DOCK4: variants seen among roughly 807,000 people sequenced by gnomAD.
The protein encoded by DOCK4 is dedicator of cytokinesis protein 4.
In DOCK4, 97 loss-of-function variants were observed where a neutral mutation model predicts 268.1. The ratio of observed to expected loss-of-function variants is 0.36; its 90% confidence interval spans 0.31 to 0.43. DOCK4 has a LOEUF of 0.43. Among genes scored for constraint, DOCK4 ranks in the 20% least tolerant of loss-of-function variants. DOCK4 has a pLI of 1.00. For synonymous variants in DOCK4, 954 were observed against 887.2 expected, an observed-to-expected ratio of 1.08 and a Z score of -1.34; for missense variants, 2,145 against 2,455.7, an observed-to-expected ratio of 0.87 and a Z score of 2.67.
At chr7:111,881,152 G>A (rs1255348786) in intron 16 of DOCK4, among the ~76,000 whole-genome samples, 3 of 152,114 alleles carry the variant, frequency 2.0e-5, no homozygotes, top group African/African-American at 4.8e-5. Flanking sequence ...CATAATGGGA[G>A]AAAATACTTG....
intron 1 of DOCK4, among the ~76,000 whole-genome samples, chr7:112,149,704 T>C (rs900032533): frequency 6.6e-6 from 1 of 152,180 alleles, no homozygotes; most frequent in Admixed American, 6.5e-5. Flanking sequence ...TGATTTCTAG[T>C]GTCTCTTCTA....
chr7:112,133,713 C>T (rs1326444214), intron 1 of DOCK4, among the ~76,000 whole-genome samples: 3 of 151,854 alleles, frequency 2.0e-5, no homozygotes, highest in Non-Finnish European at 2.9e-5. Flanking sequence ...AAGTGAGACC[C>T]TGTCTCAAAA....
intron 1 of DOCK4, among the ~76,000 whole-genome samples, chr7:112,114,443 GC>G (rs1194483476): frequency 6.6e-6 from 1 of 152,110 alleles, no homozygotes; most frequent in African/African-American, 2.4e-5. Context: ...GAAGTGACAG[GC>G]TCTTGTTATT....
intron 30 of DOCK4, among the ~76,000 whole-genome samples, chr7:111,801,250 T>C (rs61278352): frequency 0.084 from 12,793 of 152,156 alleles, 1,806 homozygotes; most frequent in African/African-American, 0.29. Context: ...AAACCAATCC[T>C]CTGGGCCCAT....
intron 1 of DOCK4, among the ~76,000 whole-genome samples, chr7:112,042,405 A>T (rs932733229): frequency 6.6e-6 from 1 of 152,206 alleles, no homozygotes; most frequent in African/African-American, 2.4e-5. Flanking sequence ...TCTTGCAGAC[A>T]TTGAGGAAGG....
At chr7:111,905,176 G>T (rs996450113) in intron 13 of DOCK4, among the ~76,000 whole-genome samples, 1 of 152,174 alleles carries the variant, frequency 6.6e-6, no homozygotes, top group African/African-American at 2.4e-5. Context: ...ATACACTTGA[G>T]GTTGACTCTG....
chr7:111,813,275 A>C (rs115883682), intron 27 of DOCK4, among the ~76,000 whole-genome samples: 162 of 152,358 alleles, frequency 1.1e-3, no homozygotes, highest in African/African-American at 3.8e-3. Flanking sequence ...ATGAAAAAAC[A>C]AAAGAAAACA....
intron 31 of DOCK4, among the ~76,000 whole-genome samples, chr7:111,789,986 C>T (rs964691634): frequency 2.0e-5 from 3 of 152,196 alleles, no homozygotes; most frequent in Admixed American, 1.3e-4. Flanking sequence ...GGAATTTCCT[C>T]TGTAAGAATT....
intron 25 of DOCK4, among the ~76,000 whole-genome samples, chr7:111,843,051 T>C (rs759573198): frequency 3.3e-5 from 5 of 152,122 alleles, no homozygotes; most frequent in Non-Finnish European, 7.4e-5. Context: ...TCAAATTGAA[T>C]GAAAAAGACA....
chr7:111,997,949 G>A (rs1800100989), intron 4 of DOCK4, among the ~76,000 whole-genome samples: 1 of 152,072 alleles, frequency 6.6e-6, no homozygotes, highest in Non-Finnish European at 1.5e-5. Context: ...TGATCAATGA[G>A]CTCAATCAAA....
chr7:111,877,113 C>T lies in DOCK4; in HGVS notation c.1661G>A (p.Gly554Glu). Residue 554 changes from glycine (G) to glutamate (E), a missense_variant, in exon 17 of 53, where the codon GGG (glycine) becomes GAG (glutamate). Transcript: ENST00000428084. ...KLPFSKGIFL[G>E]NNNQAMKATK... ...GGCCTTCATGGCTTGATTATTATTC[C>T]CAAGGAAAATGCCCTTGGAAAAGGG... is the stretch of plus-strand genomic sequence containing the variant. The T allele has an allele frequency of 1.3e-6, 2 of 1,588,872 alleles. No individual in the cohort carries two copies.
At chr7:112,031,773 C>T (rs925991354) in intron 1 of DOCK4, among the ~76,000 whole-genome samples, 7 of 152,104 alleles carry the variant, frequency 4.6e-5, no homozygotes, top group African/African-American at 7.2e-5. Context: ...TTAAATGAAC[C>T]GCTGAAACAT....
intron 1 of DOCK4, among the ~76,000 whole-genome samples, chr7:112,173,700 C>G (rs1191525750): frequency 6.6e-6 from 1 of 152,106 alleles, no homozygotes; most frequent in Non-Finnish European, 1.5e-5. Context: ...CACAGCTATG[C>G]CAGCTGAGGA....
intron 30 of DOCK4, among the ~76,000 whole-genome samples, chr7:111,798,556 T>C (rs917184337): frequency 6.6e-6 from 1 of 152,158 alleles, no homozygotes; most frequent in Non-Finnish European, 1.5e-5. Flanking sequence ...TCATAATAGC[T>C]CTACTAGGCA....
intron 12 of DOCK4, among the ~76,000 whole-genome samples, chr7:111,917,928 A>C (rs752050574): frequency 2.0e-5 from 3 of 152,154 alleles, no homozygotes; most frequent in Admixed American, 2.0e-4. Context: ...AAAAATGCAA[A>C]GTTTATTTGT....
intron 1 of DOCK4, among the ~76,000 whole-genome samples, chr7:112,038,888 G>C (rs2135495406): frequency 6.6e-6 from 1 of 152,272 alleles, no homozygotes; most frequent in Middle Eastern, 3.4e-3. Context: ...CTTTTAAAAA[G>C]GCAACATATT....
chr7:112,010,569 G>A (rs761430337), intron 1 of DOCK4, among the ~76,000 whole-genome samples: 43 of 152,194 alleles, frequency 2.8e-4, no homozygotes, highest in Non-Finnish European at 5.9e-5. Flanking sequence ...GAGAAATGCT[G>A]TGTTCCATCT....
At chr7:112,064,678 GCCC>G (rs56869842) in intron 1 of DOCK4, among the ~76,000 whole-genome samples, 22,847 of 151,940 alleles carry the variant, frequency 0.15, 2,656 homozygotes, top group East Asian at 0.39. Context: ...GCTGAACTGT[GCCC>G]CCCCTTCAAG....
At chr7:111,926,894 G>C (rs559476544) in intron 12 of DOCK4, among the ~76,000 whole-genome samples, 10 of 149,804 alleles carry the variant, frequency 6.7e-5, no homozygotes, top group African/African-American at 2.2e-4. Flanking sequence ...AGGAAGGAAG[G>C]AAAGAAGGAA....
Sources: allele counts gnomAD v4.1 joint callset (sites outside exome capture counted in the v4.1 genomes callset), GRCh38; gene constraint gnomAD v4.1.1; transcripts MANE v1.5; gene names NCBI Gene and HGNC (gene_info 2026-07-23, HGNC 2026-07-21).